The following RPL4 variants were observed in gnomAD, a reference collection of about 807,000 sequenced individuals.
The protein encoded by RPL4 is ribosomal protein L4, also known as large ribosomal subunit protein uL4.
In RPL4, 3 loss-of-function variants were observed where a neutral mutation model predicts 47.7. The ratio of observed to expected loss-of-function variants is 0.06; its 90% CI spans 0.03 to 0.16. The LOEUF (loss-of-function observed/expected upper bound fraction) is 0.16, where lower values mean the gene tolerates loss of function less well. Among genes scored for constraint, RPL4 ranks in the 10% least tolerant of loss-of-function variants. RPL4 has a pLI of 1.00. For missense variants in RPL4, 413 were observed against 551.3 expected, an observed-to-expected ratio of 0.75 and a Z score of 2.51; for synonymous variants, 208 against 182.1, an observed-to-expected ratio of 1.14 and a Z score of -1.15.
intron 5 of RPL4, 56 bp from the exon 6 acceptor site, chr15:66,501,560 T>C (rs780577651): frequency 6.9e-6 from 11 of 1,603,084 alleles, no homozygotes; most frequent in Non-Finnish European, 9.4e-6. Context: ...GCAATAGATC[T>C]TCAGAGTTTT....
rs1290028079 is a variant in RPL4, at chr15:66,498,326, G to C, written c.*1081C>G. 6.6e-6 allele frequency: 1 copy of C among 152,584 alleles called. No homozygotes were observed. The highest frequency in any genetic ancestry group is 1.5e-5 in the Non-Finnish European group (1 of 68,300). 9.5% of individuals were successfully genotyped at this position (152,584 alleles called of 1,614,324 possible). On this transcript the variant is annotated 3_prime_UTR_variant, in exon 10 of 10. Coordinates refer to ENST00000307961, the MANE Select transcript of RPL4 (RefSeq NM_000968.4). ...ACGACGTGCTTAAGAACTGAGATTT[G>C]GCCCTGGAAATGGGGAGGGTTAACA...
intron 4 of RPL4, chr15:66,502,154 T>C: frequency 1.6e-6 from 1 of 632,906 alleles, no homozygotes. Context: ...TTTCTAAGGA[T>C]ATACTAAACT....
intron 4 of RPL4, 109 bp downstream of exon 4, chr15:66,502,502 CT>C: frequency 8.9e-7 from 1 of 1,121,712 alleles, no homozygotes; most frequent in East Asian, 2.6e-5. Flanking sequence ...TCAAATTATT[CT>C]CTTCTAGCCA....
intron 1 of RPL4, 79 bp downstream of exon 1, chr15:66,504,709 T>G (rs1567036341): frequency 1.9e-6 from 3 of 1,583,940 alleles, no homozygotes; most frequent in Non-Finnish European, 2.6e-6. Context: ...CTCCTACAGA[T>G]TCTATGCTCC....
At position 66,501,806 on chromosome 15, in the gene RPL4, G is replaced by T. The variant is rs965765247; in HGVS notation, c.528C>A (p.Ala176=). The change falls in exon 5 of 10, where the codon GCC becomes GCA. Residue 176 remains alanine, a synonymous_variant. Coordinates refer to ENST00000307961, the MANE Select transcript of RPL4 (RefSeq NM_000968.4). ...EAVLLLKKLK[A]WNDIKKVYAS... Reference sequence around the variant, plus strand: ...AACGGACCTTTTTGATATCATTCCAGGCTTTAAGTTTCTTAAGGAGCAAAA... The same window carrying T: ...AACGGACCTTTTTGATATCATTCCATGCTTTAAGTTTCTTAAGGAGCAAAA... 6.2e-7 allele frequency: 1 copy of T among 1,610,900 alleles called. No individual in the cohort carries two copies.
chr15:66,502,981 T>C, intron 3 of RPL4, 77 bp downstream of exon 3: 1 of 1,402,304 alleles, frequency 7.1e-7, no homozygotes, highest in African/African-American at 1.4e-5. Context: ...TTACACCGTA[T>C]TATCATCAAT....
intron 7 of RPL4, 36 bp downstream of exon 7, chr15:66,500,913 A>C: frequency 1.9e-6 from 3 of 1,596,322 alleles, no homozygotes; most frequent in South Asian, 2.3e-5. Context: ...TATCCACAAT[A>C]TAAACATCTG....
intron 4 of RPL4, chr15:66,502,266 A>G: frequency 2.6e-6 from 1 of 383,400 alleles, no homozygotes; most frequent in Non-Finnish European, 4.8e-6. Flanking sequence ...ATTTAATCAG[A>G]CACTTCAGAA....
chr15:66,503,678 A>C (rs1251237221), intron 1 of RPL4, 149 bp from the exon 2 acceptor site: 5 of 693,654 alleles, frequency 7.2e-6, no homozygotes, highest in Non-Finnish European at 1.2e-5. Context: ...GCAGTAAATG[A>C]CTAGAACCCT....
chr15:66,499,790 G>A (rs962106592), intron 9 of RPL4, 138 bp from the exon 10 acceptor site: 19 of 1,204,860 alleles, frequency 1.6e-5, no homozygotes, highest in African/African-American at 7.7e-5. Context: ...TTGGGAGGCC[G>A]AGGCAGGTGA....
chr15:66,501,523 T>C lies in RPL4; in HGVS notation c.547-19A>G. 1 of 1,613,696 alleles carries C rather than the reference T, an allele frequency of 6.2e-7. No individual in the cohort carries two copies. The highest frequency in any genetic ancestry group is 8.5e-7 in the Non-Finnish European group (1 of 1,179,944). On this transcript the variant is annotated intron_variant, in intron 5 of 9. Transcript: ENST00000307961. ...CATAGACCTACAAAGTGAGCAGTTTTAGTATTCTGATTAAGATAGAATCTC... is the reference window on the plus strand; with the variant it reads ...CATAGACCTACAAAGTGAGCAGTTTCAGTATTCTGATTAAGATAGAATCTC...
chr15:66,503,281 C>T, intron 2 of RPL4, 77 bp downstream of exon 2: 3 of 1,596,208 alleles, frequency 1.9e-6, no homozygotes, highest in Admixed American at 1.7e-5. Context: ...GGTTCAGAAA[C>T]ACGGACCAAT....
rs909592490 is a variant in RPL4, at chr15:66,498,644, T to C, written c.*763A>G. On this transcript the variant is annotated 3_prime_UTR_variant, in exon 10 of 10. Transcript: ENST00000307961. ...GAGAGTCTTGCTCTGACGCCCAGGC[T>C]GGAGGGCAATGGTACAATCTTGGCT... 1.3e-5 allele frequency: 2 copies of C among 152,312 alleles called. No individual in the cohort carries two copies. Among genetic ancestry groups the C allele is most frequent in the Non-Finnish European group, 2.9e-5 (2 of 68,096 alleles). The allele number at this position is 152,312 out of a possible 1,614,324, so 9.4% of individuals were successfully genotyped here.
chr15:66,500,675 G>C (rs915705858), intron 7 of RPL4: 1 of 543,652 alleles, frequency 1.8e-6, no homozygotes, highest in Admixed American at 3.5e-5. Flanking sequence ...CCAGGTACTT[G>C]GGAGGCTGAG....
In RPL4 at chr15:66,500,985, G is replaced by A. The variant is rs548749936; in HGVS notation, c.797C>T (p.Thr266Ile). The A allele has an allele frequency of 3.7e-6, 6 of 1,614,012 alleles. No homozygotes were observed. The African/African-American group carries it at 4.0e-5, about 11-fold the overall frequency. ...CTTGAGGGAAGCGGCTTTACGCCAA[G>A]TGCCGTACAATTCATCTAACTTCCG... ...AFRKLDELYG[T>I]WRKAASLKSN... is the part of the protein sequence containing the mutation. The change falls in exon 7 of 10, where the codon ACT becomes ATT. Residue 266 changes from threonine to isoleucine, a missense_variant. Thr to Ile is a moderately conservative substitution (Grantham distance 89, BLOSUM62 -1). Transcript: ENST00000307961.
At chr15:66,501,268 A>C in intron 6 of RPL4, 107 bp downstream of exon 6, 1 of 1,583,162 alleles carries the variant, frequency 6.3e-7, no homozygotes, top group South Asian at 1.1e-5. Flanking sequence ...AACTTCCACA[A>C]AATCATTTGT....
chr15:66,502,533 G>A (rs1893641779), intron 4 of RPL4, 79 bp downstream of exon 4: 3 of 1,471,552 alleles, frequency 2.0e-6, no homozygotes, highest in Non-Finnish European at 2.8e-6. Context: ...GGGTTACTGT[G>A]AATAAAAATC....
At chr15:66,501,636 A>G (rs1595895751) in intron 5 of RPL4, 132 bp from the exon 6 acceptor site, 3 of 1,495,978 alleles carry the variant, frequency 2.0e-6, no homozygotes, top group Non-Finnish European at 2.7e-6. Context: ...AGCCATAAAC[A>G]GCAGTTAGGA....
intron 6 of RPL4, 31 bp downstream of exon 6, chr15:66,501,344 C>G: frequency 6.2e-7 from 1 of 1,613,504 alleles, no homozygotes; most frequent in African/African-American, 1.3e-5. Flanking sequence ...GCAGAGTATA[C>G]CTAGTCAATA....
Sources: allele counts gnomAD v4.1 joint callset, GRCh38; gene constraint gnomAD v4.1.1; transcripts MANE v1.5; gene names NCBI Gene and HGNC (gene_info 2026-07-23, HGNC 2026-07-21).